MYO5C: variants seen among roughly 807,000 people sequenced by gnomAD.
MYO5C encodes myosin VC.
In MYO5C, 194 loss-of-function variants were observed where a neutral mutation model predicts 235.7. The observed-to-expected ratio is 0.82, with a 90% CI of 0.73 to 0.93. The LOEUF is 0.93. MYO5C is among the 40% of genes least tolerant of loss of function. MYO5C has a pLI of 0.00. For missense variants in MYO5C, 2,038 were observed against 2,127.2 expected (o/e 0.96, Z 0.82); for synonymous variants, 707 against 754.8 (o/e 0.94, Z 1.04).
intron 29 of MYO5C, 81 bp from the exon 30 acceptor site, chr15:52,221,336 T>C: frequency 1.0e-6 from 1 of 981,736 alleles, no homozygotes; most frequent in Non-Finnish European, 1.5e-6. Flanking sequence ...AACTGAACTA[T>C]CTTGGTGTTC....
intron 1 of MYO5C, among the ~76,000 whole-genome samples, chr15:52,288,495 T>C (rs1389746362): frequency 1.9e-4 from 29 of 152,168 alleles, no homozygotes; most frequent in Non-Finnish European, 5.9e-5. Flanking sequence ...TCTGCTGGCA[T>C]TGAGTGCCCT....
chr15:52,242,233 G>C lies in MYO5C; in HGVS notation c.2391-20C>G. ...GCTTTCCTTGGTTAACAAGGATGAA[G>C]AGTGAGTCTGTTACCCACAGAGCAT... On this transcript the variant is annotated intron_variant, in intron 19 of 40. Coordinates refer to ENST00000261839, the MANE Select transcript of MYO5C (RefSeq NM_018728.4). The C allele has an allele frequency of 6.2e-7, 1 of 1,601,688 alleles. No homozygotes were observed. Among genetic ancestry groups the C allele is most frequent in the Non-Finnish European group, 8.5e-7 (1 of 1,173,384 alleles).
intron 1 of MYO5C, among the ~76,000 whole-genome samples, chr15:52,286,592 A>G (rs2037279605): frequency 6.6e-6 from 1 of 152,188 alleles, no homozygotes; most frequent in African/African-American, 2.4e-5. Context: ...TTTGTGCTGT[A>G]CTAAGAAAAA....
rs772170933 is a variant in MYO5C at position 52,229,334 on chromosome 15, A to G, written c.3027-21T>C. On this transcript the variant is annotated intron_variant, in intron 24 of 40. Coordinates refer to ENST00000261839, the MANE Select transcript of MYO5C (RefSeq NM_018728.4). ...GAAGCCTACGCAGCAAAAGAAGAAAATAATTTAGAGCTGAGCATGGTGGCT... is the reference window on the plus strand; with the variant it reads ...GAAGCCTACGCAGCAAAAGAAGAAAGTAATTTAGAGCTGAGCATGGTGGCT... 7.1e-6 allele frequency: 10 copies of G among 1,404,762 alleles called. No homozygotes were observed. The East Asian group carries it at 8.0e-4, about 112-fold the overall frequency. The allele number at this position is 1,404,762 out of a possible 1,614,324, so 87.0% of individuals were successfully genotyped here. A position where few individuals can be genotyped will look rare whatever the true frequency, so the allele number is the denominator to read the frequency against.
At chr15:52,205,651 CATT>C (rs2035295637) in intron 37 of MYO5C, 162 bp downstream of exon 37, 1 of 444,318 alleles carries the variant, frequency 2.3e-6, no homozygotes, top group Admixed American at 3.9e-5. Context: ...TTTATGGAAT[CATT>C]ATAAGCAAGC....
At position 52,275,581 on chromosome 15, in the gene MYO5C, G is replaced by A. The variant is rs762794319; in HGVS notation, c.587C>T (p.Ala196Val). The part of the protein sequence containing the change: ...SNAHVEDKVL[A>V]SNPITEAVGN... The stretch of plus-strand genomic sequence containing the variant: ...ACGCACCTCGGTGATGGGATTGGAT[G>A]CCAGGACCTTGTCTTCCACGTGAGC... Residue 196 changes from alanine to valine, a missense_variant, in exon 5 of 41, where the codon GCA becomes GTA. Transcript: ENST00000261839. 1 of 1,614,062 alleles carries A rather than the reference G, an allele frequency of 6.2e-7. No individual in the cohort carries two copies. The highest frequency in any genetic ancestry group is 1.3e-5 in the African/African-American group (1 of 74,920).
intron 7 of MYO5C, among the ~76,000 whole-genome samples, chr15:52,270,074 G>A (rs2036887620): frequency 6.6e-6 from 1 of 152,148 alleles, no homozygotes; most frequent in Non-Finnish European, 1.5e-5. Context: ...GGGCTTGCTT[G>A]AACCCAGGAG....
intron 38 of MYO5C, among the ~76,000 whole-genome samples, chr15:52,201,830 TA>T (rs1434867957): frequency 6.6e-6 from 1 of 151,178 alleles, no homozygotes; most frequent in African/African-American, 2.4e-5. Context: ...TGTGGTAAGA[TA>T]TTGATTCTAA....
Position 52,205,057 on chromosome 15 carries a change from G to A in MYO5C, c.4628C>T (p.Thr1543Met), listed in dbSNP as rs1375734415. The change falls in exon 38 of 41, where the codon ACG becomes ATG. Residue 1543 changes from threonine (T) to methionine (M), a missense_variant. Transcript: ENST00000261839. The stretch of plus-strand genomic sequence containing the variant: ...GACGGAGGTCATGGTGTAGCCGTCC[G>A]TGTCGTCTATGCTAGAGGAGCGCTT... ...FRKRSSSIDD[T>M]DGYTMTSVLQ... The A allele has an allele frequency of 6.2e-7, 1 of 1,614,222 alleles. No individual in the cohort carries two copies. The highest frequency in any genetic ancestry group is 8.5e-7 in the Non-Finnish European group (1 of 1,180,024).
At chr15:52,203,856 G>A (rs2035242183) in intron 38 of MYO5C, among the ~76,000 whole-genome samples, 1 of 151,670 alleles carries the variant, frequency 6.6e-6, no homozygotes, top group Non-Finnish European at 1.5e-5. Flanking sequence ...TTAATTTCTA[G>A]CTCCCACAAA....
In MYO5C at chr15:52,295,801, CG is replaced by C; in HGVS notation, c.-166del. On this transcript the variant is annotated 5_prime_UTR_variant, in exon 1 of 41. Transcript: ENST00000261839. Reference sequence around the variant, plus strand: ...CCTCCTGTTCCCGTTCCCGAGTTGGCGGCGAGGGGAGGGGGCAGCGGCGGGA... The same window carrying C: ...CCTCCTGTTCCCGTTCCCGAGTTGGCGCGAGGGGAGGGGGCAGCGGCGGGA... 2.1e-6 allele frequency: 1 copy of C among 467,926 alleles called. No individual in the cohort carries two copies. Among genetic ancestry groups the C allele is most frequent in the East Asian group, 3.6e-5 (1 of 27,788 alleles). The allele number at this position is 467,926 out of a possible 1,614,324, so 29.0% of individuals were successfully genotyped here. A position where few individuals can be genotyped will look rare whatever the true frequency, so the allele number is the denominator to read the frequency against.
intron 11 of MYO5C, 135 bp from the exon 12 acceptor site, chr15:52,253,592 T>C (rs1043341152): frequency 2.1e-5 from 17 of 824,962 alleles, no homozygotes; most frequent in East Asian, 1.6e-4. Flanking sequence ...CCCTGAAGTA[T>C]AGACAAGGCC....
rs140460054 is a variant in MYO5C, at chr15:52,234,674, C to T, written c.2962+996G>A. ...CCCTACAGAGACAGGGTGGAGGGCA[C>T]GCAGCACCTAGAACAGGAGGGCATG... On this transcript the variant is annotated intron_variant, in intron 23 of 40. Transcript: ENST00000261839. Among the ~76,000 whole-genome samples the T allele has an allele frequency of 5.0e-3, 766 of 152,298 alleles. 9 individuals are homozygous for T. Among genetic ancestry groups the T allele is most frequent in the Non-Finnish European group, 7.2e-3 (492 of 68,022 alleles).
At chr15:52,259,941 G>A (rs2036657200) in intron 10 of MYO5C, among the ~76,000 whole-genome samples, 1 of 152,228 alleles carries the variant, frequency 6.6e-6, no homozygotes, top group Non-Finnish European at 1.5e-5. Flanking sequence ...TTTTGCCATG[G>A]TGTGGGGAAG....
chr15:52,256,876 T>C, intron 10 of MYO5C, 156 bp from the exon 11 acceptor site: 2 of 592,890 alleles, frequency 3.4e-6, no homozygotes, highest in East Asian at 2.9e-5. Flanking sequence ...GATATCCTAG[T>C]AGTCAGTTTA....
At chr15:52,220,933 C>T in intron 30 of MYO5C, among the ~76,000 whole-genome samples, 1 of 152,092 alleles carries the variant, frequency 6.6e-6, no homozygotes, top group East Asian at 1.9e-4. Flanking sequence ...TCACCGCTTC[C>T]CAAAGTGCTG....
rs1555417654 is a variant in MYO5C, at chr15:52,256,587, A to ACGCGCGCGCGCGCACGCGCGCG, written c.1395+51_1395+52insCGCGCGCGTGCGCGCGCGCGCG. 5 of 567,770 alleles carry ACGCGCGCGCGCGCACGCGCGCG rather than the reference A, an allele frequency of 8.8e-6. No individual in the cohort carries two copies. The African/African-American group carries it at 9.8e-5, about 11-fold the overall frequency. 35.2% of individuals were successfully genotyped at this position (567,770 alleles called of 1,614,324 possible). On this transcript the variant is annotated intron_variant, in intron 11 of 40. Coordinates refer to ENST00000261839, the MANE Select transcript of MYO5C (RefSeq NM_018728.4). ...AACACACACACACACACACACACAC[A>ACGCGCGCGCGCGCACGCGCGCG]CGCGCGCGCGCGCGGCTGAGAACTA...
chr15:52,277,236 G>C (rs577494730), intron 4 of MYO5C: 81 of 529,604 alleles, frequency 1.5e-4, no homozygotes, highest in South Asian at 1.1e-3. Flanking sequence ...GCCTGCTTTG[G>C]GCTCCGTTCT....
At chr15:52,262,712 C>T (rs1315086156) in intron 9 of MYO5C, among the ~76,000 whole-genome samples, 2 of 152,218 alleles carry the variant, frequency 1.3e-5, no homozygotes, top group Admixed American at 1.3e-4. Flanking sequence ...AGCTCATGCT[C>T]CACTCAGCTC....
Sources: allele counts gnomAD v4.1 joint callset (sites outside exome capture counted in the v4.1 genomes callset), GRCh38; gene constraint gnomAD v4.1.1; transcripts MANE v1.5; gene names NCBI Gene and HGNC (gene_info 2026-07-23, HGNC 2026-07-21).